Variants in KCNIP1 observed in about 807,000 individuals in gnomAD.
KCNIP1 encodes the protein potassium voltage-gated channel interacting protein 1.
Under a neutral mutation model 33.0 loss-of-function variants are expected in KCNIP1, and 18 were observed. The ratio of observed to expected loss-of-function variants is 0.55; its 90% CI spans 0.38 to 0.81. The LOEUF is 0.81. Among genes scored for constraint, KCNIP1 ranks in the 30% least tolerant of loss-of-function variants. The pLI is 0.00. For missense variants in KCNIP1, 238 were observed against 271.6 expected, an observed-to-expected ratio of 0.88 and a Z score of 0.87; for synonymous variants, 93 against 98.3, an observed-to-expected ratio of 0.95 and a Z score of 0.32.
intron 1 of KCNIP1, chr5:170,712,887 G>C: frequency 6.2e-7 from 1 of 1,613,180 alleles, no homozygotes; most frequent in Non-Finnish European, 8.5e-7. Context: ...TATCAGAGAG[G>C]TAAAAAACAG....
chr5:170,702,676 C>A (rs373119042), intron 1 of KCNIP1, among the ~76,000 whole-genome samples: 67 of 152,242 alleles, frequency 4.4e-4, no homozygotes, highest in African/African-American at 1.6e-3. Flanking sequence ...CCAGCAGAGA[C>A]CCTTAGGGTG....
intron 1 of KCNIP1, among the ~76,000 whole-genome samples, chr5:170,520,706 C>T (rs1220766431): frequency 1.3e-5 from 2 of 152,158 alleles, no homozygotes; most frequent in Non-Finnish European, 2.9e-5. Flanking sequence ...GAGATAAACC[C>T]TCCTCACTCT....
intron 1 of KCNIP1, chr5:170,374,873 G>A (rs890412628): frequency 6.6e-6 from 1 of 152,178 alleles, no homozygotes; most frequent in Non-Finnish European, 1.5e-5. Context: ...GACAGGAGGA[G>A]AACATCTATC....
At chr5:170,661,237 C>A (rs1391333058) in intron 1 of KCNIP1, among the ~76,000 whole-genome samples, 1 of 152,154 alleles carries the variant, frequency 6.6e-6, no homozygotes, top group Non-Finnish European at 1.5e-5. Flanking sequence ...ATGTGAAGCA[C>A]ATGGGGGGGC....
intron 1 of KCNIP1, among the ~76,000 whole-genome samples, chr5:170,480,615 A>AT (rs1171522679): frequency 6.7e-6 from 1 of 149,736 alleles, no homozygotes; most frequent in African/African-American, 2.5e-5. Flanking sequence ...AATTTTTTGT[A>AT]TTTTTTGTAT....
intron 1 of KCNIP1, among the ~76,000 whole-genome samples, chr5:170,599,196 G>C (rs1326348774): frequency 2.0e-5 from 3 of 152,002 alleles, no homozygotes; most frequent in Non-Finnish European, 2.9e-5. Context: ...GGTGACGATG[G>C]AATCAGCAAT....
intron 1 of KCNIP1, among the ~76,000 whole-genome samples, chr5:170,671,979 G>A (rs1317314032): frequency 2.0e-5 from 3 of 152,194 alleles, no homozygotes; most frequent in Non-Finnish European, 4.4e-5. Flanking sequence ...ATAGATGGAG[G>A]GGTGCAGTTT....
Position 170,606,387 on chromosome 5 carries a change from C to T in KCNIP1, c.61+101754C>T, listed in dbSNP as rs149059547. Among the ~76,000 whole-genome samples, 472 of 152,298 alleles carry T rather than the reference C, an allele frequency of 3.1e-3. 2 individuals carry two copies. Among genetic ancestry groups the T allele is most frequent in the African/African-American group, 0.011 (450 of 41,556 alleles). Reference sequence around the variant, plus strand: ...AGCAAGGTGCAAGGGTATCAGTTTCCCCACATCCTCATCAATGTTCTTGTT... The same window carrying T: ...AGCAAGGTGCAAGGGTATCAGTTTCTCCACATCCTCATCAATGTTCTTGTT... On this transcript the variant is annotated intron_variant, in intron 1 of 7. Transcript: ENST00000328939.
At chr5:170,603,111 C>G (rs1241034981) in intron 1 of KCNIP1, among the ~76,000 whole-genome samples, 1 of 152,158 alleles carries the variant, frequency 6.6e-6, no homozygotes, top group Non-Finnish European at 1.5e-5. Flanking sequence ...GGGATCCCAC[C>G]CACCCCAAAC....
chr5:170,387,248 C>T (rs1002826620), intron 1 of KCNIP1, among the ~76,000 whole-genome samples: 14 of 151,976 alleles, frequency 9.2e-5, no homozygotes, highest in Admixed American at 8.5e-4. Context: ...TTGCCAGGTC[C>T]CTAAAGTAAT....
intron 1 of KCNIP1, chr5:170,385,425 G>A: frequency 6.2e-7 from 1 of 1,614,114 alleles, no homozygotes; most frequent in Non-Finnish European, 8.5e-7. Context: ...CCGCTTCTGG[G>A]CCATCACCAG....
chr5:170,446,184 G>A (rs1219435034), intron 1 of KCNIP1, among the ~76,000 whole-genome samples: 3 of 152,174 alleles, frequency 2.0e-5, no homozygotes, highest in East Asian at 3.8e-4. Flanking sequence ...GACAGAGAAC[G>A]GGATATGTTC....
intron 1 of KCNIP1, among the ~76,000 whole-genome samples, chr5:170,530,661 C>A (rs1755754889): frequency 6.6e-6 from 1 of 152,164 alleles, no homozygotes; most frequent in African/African-American, 2.4e-5. Context: ...AATCCTTTTT[C>A]CCCAAGGTGG....
chr5:170,625,593 T>C (rs938359555), intron 1 of KCNIP1, among the ~76,000 whole-genome samples: 2 of 152,198 alleles, frequency 1.3e-5, no homozygotes, highest in African/African-American at 4.8e-5. Context: ...TTCACTGACA[T>C]ATCTGGGATG....
intron 1 of KCNIP1, among the ~76,000 whole-genome samples, chr5:170,416,226 G>T (rs1171450505): frequency 6.6e-6 from 1 of 152,120 alleles, no homozygotes; most frequent in Non-Finnish European, 1.5e-5. Flanking sequence ...GCCAGAGCTG[G>T]TGTGGCCCCC....
intron 1 of KCNIP1, among the ~76,000 whole-genome samples, chr5:170,496,262 G>A (rs957281188): frequency 6.6e-6 from 1 of 152,196 alleles, no homozygotes; most frequent in Non-Finnish European, 1.5e-5. Flanking sequence ...TCCCTCCCAT[G>A]TGCATCCATC....
chr5:170,507,466 C>T (rs1387689735), intron 1 of KCNIP1, among the ~76,000 whole-genome samples: 2 of 152,154 alleles, frequency 1.3e-5, no homozygotes, highest in African/African-American at 4.8e-5. Flanking sequence ...CAGAGTAAGG[C>T]CATTTTCGAA....
intron 1 of KCNIP1, among the ~76,000 whole-genome samples, chr5:170,497,634 C>A (rs1437618587): frequency 6.6e-6 from 1 of 152,324 alleles, no homozygotes; most frequent in East Asian, 1.9e-4. Flanking sequence ...TTCAATCCAC[C>A]CTTCTGTCCA....
At chr5:170,514,541 C>T (rs960502148) in intron 1 of KCNIP1, among the ~76,000 whole-genome samples, 1 of 152,046 alleles carries the variant, frequency 6.6e-6, no homozygotes, top group South Asian at 2.1e-4. Flanking sequence ...CGCCCTGCCT[C>T]ACCCCACCAA....
Sources: allele counts gnomAD v4.1 joint callset (sites outside exome capture counted in the v4.1 genomes callset), GRCh38; gene constraint gnomAD v4.1.1; transcripts MANE v1.5; gene names NCBI Gene and HGNC (gene_info 2026-07-23, HGNC 2026-07-21).